TSPAN8: variants seen among roughly 807,000 people sequenced by gnomAD.
TSPAN8 encodes tetraspanin-8.
Under a neutral mutation model 32.8 loss-of-function variants are expected in TSPAN8, and 21 were observed. The ratio of observed to expected loss-of-function variants is 0.64; its 90% confidence interval spans 0.45 to 0.92. The LOEUF (loss-of-function observed/expected upper bound fraction) is 0.92. TSPAN8 is among the 40% of genes least tolerant of loss of function. The pLI is 0.00. For synonymous variants in TSPAN8, 95 were observed against 94.6 expected (o/e 1.00, Z -0.03); for missense variants, 269 against 281.9 (o/e 0.95, Z 0.33).
chr12:71,137,782 G>A (rs1010637788), intron 6 of TSPAN8, among the ~76,000 whole-genome samples, 171 bp downstream of exon 6: 3 of 152,126 alleles, frequency 2.0e-5, no homozygotes, highest in African/African-American at 4.8e-5. Flanking sequence ...TGTATGAAGC[G>A]AGAAAGTAAT....
intron 6 of TSPAN8, among the ~76,000 whole-genome samples, chr12:71,135,648 C>G (rs1239693859): frequency 6.6e-6 from 1 of 152,100 alleles, no homozygotes; most frequent in Non-Finnish European, 1.5e-5. Context: ...TTTACAAGAG[C>G]AAGAGCACTT....
chr12:71,125,245 C>T lies in TSPAN8; in HGVS notation c.*89G>A. On this transcript the variant is annotated 3_prime_UTR_variant, in exon 9 of 9. Coordinates refer to ENST00000247829, the MANE Select transcript of TSPAN8 (RefSeq NM_004616.3). ...ATTTTAAAAAGACAGCTGCTCCTGA[C>T]TTATATAGCACTTACATATTTAAAT... The T allele has an allele frequency of 8.8e-7, 1 of 1,135,248 alleles. No homozygotes were observed. The highest frequency in any genetic ancestry group is 2.2e-5 in the Admixed American group (1 of 45,160). 70.3% of individuals were successfully genotyped at this position (1,135,248 alleles called of 1,614,324 possible).
At chr12:71,126,413 T>C (rs933487276) in intron 8 of TSPAN8, among the ~76,000 whole-genome samples, 1 of 152,238 alleles carries the variant, frequency 6.6e-6, no homozygotes, top group South Asian at 2.1e-4. Flanking sequence ...CAAGAAAGAA[T>C]TTTTTTAATG....
chr12:71,139,958 AC>A, intron 3 of TSPAN8, 110 bp from the exon 4 acceptor site: 1 of 978,162 alleles, frequency 1.0e-6, no homozygotes, highest in Non-Finnish European at 1.5e-6. Context: ...CTGTGCCAGG[AC>A]CCTGAAATAC....
chr12:71,136,181 A>T (rs935008293), intron 6 of TSPAN8, among the ~76,000 whole-genome samples: 13 of 152,180 alleles, frequency 8.5e-5, no homozygotes. Flanking sequence ...AACAATAGCC[A>T]TTCTCAAAGA....
At chr12:71,148,567 T>G (rs1186313652) in intron 2 of TSPAN8, among the ~76,000 whole-genome samples, 1 of 152,246 alleles carries the variant, frequency 6.6e-6, no homozygotes. Flanking sequence ...TCCACAAAAT[T>G]TCCATATATT....
intron 2 of TSPAN8, 92 bp from the exon 3 acceptor site, chr12:71,144,305 T>A (rs1872003231): frequency 8.8e-7 from 1 of 1,130,654 alleles, no homozygotes; most frequent in East Asian, 2.5e-5. Context: ...TGACAGTAGT[T>A]CATCATCGAC....
chr12:71,131,157 T>C (rs3844208), intron 7 of TSPAN8, among the ~76,000 whole-genome samples: 59,407 of 152,090 alleles, frequency 0.39, 12,662 homozygotes, highest in East Asian at 0.57. Flanking sequence ...TGGAAACTAT[T>C]TTTATTTACT....
chr12:71,129,233 T>G (rs1279592766), intron 8 of TSPAN8, 98 bp downstream of exon 8: 42 of 962,230 alleles, frequency 4.4e-5, no homozygotes, highest in Middle Eastern at 5.4e-4. Flanking sequence ...GTTGTTGTGG[T>G]TTTTTTTTTT....
intron 2 of TSPAN8, 66 bp from the exon 3 acceptor site, chr12:71,144,279 C>T (rs372372838): frequency 3.9e-5 from 56 of 1,427,470 alleles, no homozygotes; most frequent in Admixed American, 1.9e-5. Flanking sequence ...ATTTCCACAC[C>T]CTCCTATCTA....
chr12:71,153,735 C>G (rs764274168), intron 2 of TSPAN8, among the ~76,000 whole-genome samples: 6 of 152,152 alleles, frequency 3.9e-5, no homozygotes, highest in African/African-American at 7.2e-5. Context: ...GATATAGGAA[C>G]CTTTCCTAAC....
chr12:71,149,369 CAAA>C (rs35841431), intron 2 of TSPAN8, among the ~76,000 whole-genome samples: 17 of 91,544 alleles, frequency 1.9e-4, no homozygotes, highest in Admixed American at 3.3e-4. Flanking sequence ...ACTCTTGTCT[CAAA>C]AAAAAAAAAA....
At chr12:71,154,905 C>G (rs1346333204) in intron 2 of TSPAN8, among the ~76,000 whole-genome samples, 1 of 152,120 alleles carries the variant, frequency 6.6e-6, no homozygotes, top group African/African-American at 2.4e-5. Flanking sequence ...TTCAAAAGAA[C>G]TTGAGTCACC....
intron 6 of TSPAN8, among the ~76,000 whole-genome samples, chr12:71,135,106 C>A (rs1299757045): frequency 6.6e-6 from 1 of 152,044 alleles, no homozygotes; most frequent in African/African-American, 2.4e-5. Flanking sequence ...TTATGGGACT[C>A]CAGGTCATCC....
Position 71,157,747 on chromosome 12 carries a change from G to T in TSPAN8, c.-69C>A. On this transcript the variant is annotated 5_prime_UTR_variant, in exon 2 of 9. Transcript: ENST00000247829. ...TCGTTACAGGCTTGTCCTGCAATATGCTCTGGAGCAACTTGCCTGCAGAGA... is the reference window on the plus strand; with the variant it reads ...TCGTTACAGGCTTGTCCTGCAATATTCTCTGGAGCAACTTGCCTGCAGAGA... The T allele has an allele frequency of 8.0e-7, 1 of 1,244,834 alleles. No individual in the cohort carries two copies. Among genetic ancestry groups the T allele is most frequent in the Non-Finnish European group, 1.2e-6 (1 of 849,210 alleles). The allele number at this position is 1,244,834 out of a possible 1,614,324, so 77.1% of individuals were successfully genotyped here.
chr12:71,126,018 C>T (rs1271161498), intron 8 of TSPAN8, among the ~76,000 whole-genome samples: 1 of 152,054 alleles, frequency 6.6e-6, no homozygotes, highest in African/African-American at 2.4e-5. Flanking sequence ...TGAGGGACCC[C>T]AAAATTTGCT....
chr12:71,129,095 T>A (rs1345683657), intron 8 of TSPAN8, among the ~76,000 whole-genome samples: 3 of 152,108 alleles, frequency 2.0e-5, no homozygotes, highest in African/African-American at 4.8e-5. Flanking sequence ...GAGAGGTCAT[T>A]CAGAAGCAAG....
At chr12:71,138,307 C>A in intron 4 of TSPAN8, 77 bp from the exon 5 acceptor site, 1 of 1,289,020 alleles carries the variant, frequency 7.8e-7, no homozygotes, top group Non-Finnish European at 1.1e-6. Context: ...CACAGCACTT[C>A]TCTCTACAGC....
intron 2 of TSPAN8, among the ~76,000 whole-genome samples, chr12:71,151,008 G>C: frequency 6.6e-6 from 1 of 151,536 alleles, no homozygotes; most frequent in East Asian, 1.9e-4. Context: ...AAAACAGACT[G>C]ATACAAGTGT....
Sources: allele counts gnomAD v4.1 joint callset (sites outside exome capture counted in the v4.1 genomes callset), GRCh38; gene constraint gnomAD v4.1.1; transcripts MANE v1.5; gene names NCBI Gene and HGNC (gene_info 2026-07-23, HGNC 2026-07-21).